HCST: variants seen among roughly 807,000 people sequenced by gnomAD.
HCST encodes the protein DNAX-activation protein 10.
HCST carries 12 observed loss-of-function variants against 10.8 expected under a neutral mutation model. The observed-to-expected ratio is 1.12, with a 90% CI of 0.72 to 1.81. HCST has a LOEUF of 1.81. Ranked by LOEUF, HCST falls within the 40% of genes most tolerant of loss-of-function variation. The probability of loss-of-function intolerance (pLI) is 0.00; values close to 1 mark genes in which losing one functional copy is unlikely to be tolerated. For synonymous variants in HCST, 59 were observed against 51.6 expected (o/e 1.14, Z -0.61); for missense variants, 102 against 117.9 (o/e 0.87, Z 0.62).
At chr19:35,903,480 C>A in intron 2 of HCST, 64 bp downstream of exon 2, 2 of 1,346,016 alleles carry the variant, frequency 1.5e-6, no homozygotes, top group South Asian at 2.3e-5. Flanking sequence ...TTCTCCAGGT[C>A]ACCATCCCAC....
intron 2 of HCST, 51 bp from the exon 3 acceptor site, chr19:35,903,721 C>A: frequency 6.2e-7 from 1 of 1,613,718 alleles, no homozygotes. Context: ...AAAGCACAGC[C>A]CCAGGACGCA....
intron 3 of HCST, 79 bp downstream of exon 3, chr19:35,903,982 A>G: frequency 6.3e-7 from 1 of 1,575,964 alleles, no homozygotes. Context: ...GCCCTTGGGG[A>G]AGCCCTGGAG....
chr19:35,903,316 C>T lies in HCST; in HGVS notation c.44-35C>T, dbSNP rs760228277. On this transcript the variant is annotated intron_variant, in intron 1 of 3. Coordinates refer to ENST00000246551, the MANE Select transcript of HCST (RefSeq NM_014266.4). ...GAGCATTCTGTTTTGTGGACCTTCT[C>T]TCCACCCTCATCCACCTTCTTTCTC... is the stretch of plus-strand genomic sequence containing the variant. 33 of 1,587,446 alleles carry T rather than the reference C, an allele frequency of 2.1e-5. No homozygotes were observed. The South Asian group carries it at 3.6e-4, about 18-fold the overall frequency.
chr19:35,903,242 C>T, intron 1 of HCST, 109 bp from the exon 2 acceptor site: 4 of 898,680 alleles, frequency 4.5e-6, no homozygotes, highest in Middle Eastern at 2.2e-4. Context: ...CTTCCTGCCT[C>T]GGCCTCCCAA....
At chr19:35,903,270 C>A in intron 1 of HCST, 81 bp from the exon 2 acceptor site, 1 of 1,251,968 alleles carries the variant, frequency 8.0e-7, no homozygotes, top group Non-Finnish European at 1.2e-6. Flanking sequence ...GGATGACAGG[C>A]GTGAGCCACG....
intron 1 of HCST, chr19:35,903,053 CA>C (rs1364875678): frequency 2.2e-6 from 1 of 452,626 alleles, no homozygotes; most frequent in African/African-American, 2.0e-5. Context: ...TGCAGTGGCA[CA>C]ATCACGGCTC....
chr19:35,902,717 T>C (rs1975605526), intron 1 of HCST, 81 bp downstream of exon 1: 1 of 1,414,786 alleles, frequency 7.1e-7, no homozygotes, highest in East Asian at 2.3e-5. Flanking sequence ...GGACGGGTGA[T>C]GAAAGTGGGG....
chr19:35,903,383 T>C lies in HCST; in HGVS notation c.76T>C (p.Ser26Pro), dbSNP rs769844034. 2.5e-6 allele frequency: 4 copies of C among 1,613,834 alleles called. No individual in the cohort carries two copies. The highest frequency in any genetic ancestry group is 1.7e-4 in the Middle Eastern group (1 of 6,060). Residue 26 changes from serine to proline, a missense_variant, in exon 2 of 4, where the codon TCA (serine) becomes CCA (proline). By Grantham distance (74) the Ser-to-Pro change is moderately conservative (BLOSUM62 -1). Coordinates refer to ENST00000246551, the MANE Select transcript of HCST (RefSeq NM_014266.4). The part of the protein sequence containing the change: ...AAAQTTPGER[S>P]SLPAFYPGTS... ...AGCTCAGACGACTCCAGGAGAGAGA[T>C]CATCACTCCCTGCCTTTTACCCTGG...
In HCST at chr19:35,903,709, C is replaced by A; in HGVS notation, c.110-63C>A. Reference sequence around the variant, plus strand: ...CAGGGGACTTCCTCTCTGCCTGTGGCCAAAGCACAGCCCCAGGACGCAGAG... The same window carrying A: ...CAGGGGACTTCCTCTCTGCCTGTGGACAAAGCACAGCCCCAGGACGCAGAG... On this transcript the variant is annotated intron_variant, in intron 2 of 3. Coordinates refer to ENST00000246551, the MANE Select transcript of HCST (RefSeq NM_014266.4). 3.1e-6 allele frequency: 5 copies of A among 1,612,712 alleles called. No individual in the cohort carries two copies. The Admixed American group carries it at 5.0e-5, about 16-fold the overall frequency.
At chr19:35,903,538 A>G in intron 2 of HCST, 122 bp downstream of exon 2, 1 of 1,092,650 alleles carries the variant, frequency 9.2e-7, no homozygotes, top group Non-Finnish European at 1.4e-6. Flanking sequence ...GAGTCCCAGA[A>G]TCAGCGACCC....
intron 1 of HCST, chr19:35,902,900 C>A: frequency 1.9e-6 from 1 of 515,460 alleles, no homozygotes; most frequent in Admixed American, 3.4e-5. Context: ...CTCCATGTCT[C>A]TGGGAGTCCC....
At chr19:35,902,713 G>T (rs1975605222) in intron 1 of HCST, 77 bp downstream of exon 1, 1 of 1,430,034 alleles carries the variant, frequency 7.0e-7, no homozygotes, top group African/African-American at 1.4e-5. Flanking sequence ...GCAGGGACGG[G>T]TGATGAAAGT....
rs1975644345 is a variant in HCST, at chr19:35,903,813, G to A, written c.151G>A (p.Ala51Thr). 3.8e-5 allele frequency: 62 copies of A among 1,613,910 alleles called. No homozygotes were observed. Among genetic ancestry groups the A allele is most frequent in the Non-Finnish European group, 5.1e-5 (60 of 1,180,026 alleles). ...TGGGTCCCTCTCTCTGCCGCTCCTG[G>A]CAGGCCTCGTGGCTGCTGATGCGGT... The part of the protein sequence containing the change: ...GCGSLSLPLL[A>T]GLVAADAVAS... The change falls in exon 3 of 4, where the codon GCA becomes ACA. Residue 51 changes from alanine to threonine, a missense_variant. Transcript: ENST00000246551.
intron 2 of HCST, 89 bp downstream of exon 2, chr19:35,903,505 T>C: frequency 2.4e-6 from 3 of 1,228,290 alleles, no homozygotes; most frequent in Non-Finnish European, 3.6e-6. Context: ...CGTCCCCAAA[T>C]CAGAGGATCC....
chr19:35,904,279 G>T lies in HCST; in HGVS notation c.*119G>T. ...TAAAACAATTGAAACACCTGTAGTC[G>T]TATTCTTTCTCAAAGAACCCCAGAG... On this transcript the variant is annotated 3_prime_UTR_variant, in exon 4 of 4. Coordinates refer to ENST00000246551, the MANE Select transcript of HCST (RefSeq NM_014266.4). 1 of 1,104,758 alleles carries T rather than the reference G, an allele frequency of 9.1e-7. No homozygotes were observed. The allele number at this position is 1,104,758 out of a possible 1,614,324, so 68.4% of individuals were successfully genotyped here.
chr19:35,903,884 A>C lies in HCST; in HGVS notation c.222A>C (p.Pro74=). The change falls in exon 3 of 4, where the codon CCA becomes CCC. Residue 74 remains proline, a synonymous_variant. Coordinates refer to ENST00000246551, the MANE Select transcript of HCST (RefSeq NM_014266.4). The part of the protein sequence containing the change: ...IVGAVFLCAR[P]RRSPAQEDGK... ...GGGCGGTGTTCCTGTGCGCACGCCC[A>C]CGCCGCAGCCCCGCCCAAGGTGAGG... 1 of 1,611,926 alleles carries C rather than the reference A, an allele frequency of 6.2e-7. No individual in the cohort carries two copies. Among genetic ancestry groups the C allele is most frequent in the Non-Finnish European group, 8.5e-7 (1 of 1,179,520 alleles).
intron 1 of HCST, 119 bp downstream of exon 1, chr19:35,902,755 G>A: frequency 8.6e-6 from 9 of 1,042,918 alleles, no homozygotes; most frequent in Non-Finnish European, 1.3e-5. Context: ...CTTCCCTTCT[G>A]GGAGATCCAT....
At chr19:35,903,179 C>T (rs548373801) in intron 1 of HCST, 172 bp from the exon 2 acceptor site, 80 of 578,102 alleles carry the variant, frequency 1.4e-4, no homozygotes, top group African/African-American at 8.7e-4. Context: ...CTTGTAGAGA[C>T]GAGGTCTCAC....
chr19:35,903,500 C>T (rs1476067435), intron 2 of HCST, 84 bp downstream of exon 2: 2 of 1,255,104 alleles, frequency 1.6e-6, no homozygotes, highest in Non-Finnish European at 1.2e-6. Flanking sequence ...CCTCCCGTCC[C>T]CAAATCAGAG....
Sources: gnomAD v4.1 joint callset for allele counts on GRCh38, gnomAD v4.1.1 for gene constraint, MANE v1.5 for transcripts, NCBI Gene and HGNC (gene_info 2026-07-23, HGNC 2026-07-21) for gene names.